TMEM132D: variants seen among roughly 807,000 people sequenced by gnomAD.
TMEM132D encodes the protein transmembrane protein 132D, also known as mature OL transmembrane protein.
A neutral mutation model predicts 62.3 loss-of-function variants in TMEM132D; 21 were observed. The ratio of observed to expected loss-of-function variants is 0.34; its 90% CI spans 0.24 to 0.49. The LOEUF (loss-of-function observed/expected upper bound fraction) is 0.49. Ranked by LOEUF, TMEM132D falls within the 20% of genes least tolerant of loss-of-function variation. The probability of loss-of-function intolerance (pLI) is 0.99; values close to 1 mark genes in which losing one functional copy is unlikely to be tolerated. For missense variants in TMEM132D, 1,346 were observed against 1,402.8 expected, an observed-to-expected ratio of 0.96 and a Z score of 0.65; for synonymous variants, 621 against 575.6, an observed-to-expected ratio of 1.08 and a Z score of -1.13.
intron 1 of TMEM132D, among the ~76,000 whole-genome samples, chr12:129,849,587 G>GA (rs1167271041): frequency 6.6e-6 from 1 of 152,104 alleles, no homozygotes; most frequent in Non-Finnish European, 1.5e-5. Context: ...TCCCACCAAA[G>GA]AAAAGTTTTG....
intron 2 of TMEM132D, among the ~76,000 whole-genome samples, chr12:129,605,920 T>G (rs79330199): frequency 0.15 from 22,832 of 151,960 alleles, 1,851 homozygotes; most frequent in African/African-American, 0.18. Context: ...AGCCGCCCCA[T>G]AGAGCTGCTC....
At chr12:129,413,360 C>G (rs774239606) in intron 3 of TMEM132D, among the ~76,000 whole-genome samples, 3 of 152,184 alleles carry the variant, frequency 2.0e-5, no homozygotes, top group Admixed American at 6.5e-5. Flanking sequence ...GTAAGACATG[C>G]CTTTTGCCTT....
chr12:129,789,109 G>T (rs1871325716), intron 1 of TMEM132D, among the ~76,000 whole-genome samples: 1 of 152,084 alleles, frequency 6.6e-6, no homozygotes, highest in Non-Finnish European at 1.5e-5. Flanking sequence ...AGGTGGTTTT[G>T]GTTACATGGA....
At chr12:129,186,605 G>A (rs1322906179) in intron 5 of TMEM132D, among the ~76,000 whole-genome samples, 1 of 152,142 alleles carries the variant, frequency 6.6e-6, no homozygotes, top group Non-Finnish European at 1.5e-5. Context: ...AGACTGCCTG[G>A]GTTCAAGCTT....
chr12:129,337,995 A>G lies in TMEM132D; in HGVS notation c.1116-178T>C, dbSNP rs540246845. 2.0e-5 allele frequency among the ~76,000 whole-genome samples: 3 copies of G among 152,374 alleles called. No homozygotes were observed. In the South Asian group the frequency reaches 6.2e-4, roughly 32 times the overall value. On this transcript the variant is annotated intron_variant, in intron 3 of 8. Transcript: ENST00000422113. Reference sequence around the variant, plus strand: ...CCAAAACGAACAAAGGAGCTTTAATATGCTCTGCAGCATTAGCCTGGGCTT... The same window carrying G: ...CCAAAACGAACAAAGGAGCTTTAATGTGCTCTGCAGCATTAGCCTGGGCTT...
chr12:129,512,877 G>A (rs1875536485), intron 3 of TMEM132D, among the ~76,000 whole-genome samples: 1 of 152,158 alleles, frequency 6.6e-6, no homozygotes, highest in African/African-American at 2.4e-5. Flanking sequence ...GAAGTCACAT[G>A]CCATCATTCT....
chr12:129,839,348 G>A (rs920840586), intron 1 of TMEM132D, among the ~76,000 whole-genome samples: 3 of 151,300 alleles, frequency 2.0e-5, no homozygotes, highest in Non-Finnish European at 1.5e-5. Flanking sequence ...AGCTGGTCTC[G>A]AACTCCTGAC....
chr12:129,391,766 T>A lies in TMEM132D; in HGVS notation c.1116-53949A>T, dbSNP rs556751636. 3.1e-3 allele frequency among the ~76,000 whole-genome samples: 479 copies of A among 152,362 alleles called. 1 individual carries two copies. Among genetic ancestry groups the A allele is most frequent in the Non-Finnish European group, 5.5e-3 (374 of 68,028 alleles). On this transcript the variant is annotated intron_variant, in intron 3 of 8. Transcript: ENST00000422113. ...GCCCTGGCATCAGTATTTCTTTTTTTATTTTTTTTAGATAGAGTCTCGTTC... is the reference window on the plus strand; with the variant it reads ...GCCCTGGCATCAGTATTTCTTTTTTAATTTTTTTTAGATAGAGTCTCGTTC...
intron 2 of TMEM132D, among the ~76,000 whole-genome samples, chr12:129,617,306 G>T (rs1361759897): frequency 3.9e-5 from 6 of 152,196 alleles, no homozygotes; most frequent in African/African-American, 1.4e-4. Flanking sequence ...CACCTGACTT[G>T]GTTGAGTGAC....
At chr12:129,464,217 G>C (rs1316539271) in intron 3 of TMEM132D, among the ~76,000 whole-genome samples, 1 of 152,066 alleles carries the variant, frequency 6.6e-6, no homozygotes, top group Non-Finnish European at 1.5e-5. Flanking sequence ...GCATTTCTCT[G>C]ATGGCCAGTG....
intron 5 of TMEM132D, among the ~76,000 whole-genome samples, chr12:129,086,201 C>CGCGCGT (rs1349816832): frequency 1.3e-4 from 18 of 141,134 alleles, no homozygotes; most frequent in East Asian, 1.0e-3. Context: ...CACGCGCGCG[C>CGCGCGT]GTGTGTGTGT....
chr12:129,672,482 A>G (rs1880523317), intron 2 of TMEM132D, among the ~76,000 whole-genome samples: 1 of 152,130 alleles, frequency 6.6e-6, no homozygotes, highest in Non-Finnish European at 1.5e-5. Context: ...GTGTGGTACA[A>G]CAGTTAGTGT....
At chr12:129,808,336 A>G (rs1217099720) in intron 1 of TMEM132D, among the ~76,000 whole-genome samples, 3 of 152,210 alleles carry the variant, frequency 2.0e-5, no homozygotes, top group Non-Finnish European at 4.4e-5. Context: ...TAACTCACAT[A>G]TTAAAAGAAA....
intron 4 of TMEM132D, among the ~76,000 whole-genome samples, chr12:129,227,018 T>C (rs931196873): frequency 5.9e-5 from 9 of 152,270 alleles, no homozygotes; most frequent in East Asian, 5.8e-4. Context: ...AGAAGCTAAA[T>C]GACAGCTGTT....
chr12:129,410,833 G>A (rs1424006999), intron 3 of TMEM132D, among the ~76,000 whole-genome samples: 1 of 152,112 alleles, frequency 6.6e-6, no homozygotes, highest in African/African-American at 2.4e-5. Context: ...GGGGTTTGTG[G>A]TAACTTAAGA....
chr12:129,090,977 G>A (rs1331078699), intron 5 of TMEM132D, among the ~76,000 whole-genome samples: 1 of 152,176 alleles, frequency 6.6e-6, no homozygotes, highest in Admixed American at 6.5e-5. Flanking sequence ...CCCAAAAGTG[G>A]AGAAAACAGA....
At chr12:129,361,267 T>C (rs1566045136) in intron 3 of TMEM132D, among the ~76,000 whole-genome samples, 2 of 152,298 alleles carry the variant, frequency 1.3e-5, no homozygotes, top group South Asian at 4.1e-4. Flanking sequence ...GCTCATGGTG[T>C]ATAGATATGA....
At chr12:129,544,062 T>C (rs1440454444) in intron 2 of TMEM132D, among the ~76,000 whole-genome samples, 2 of 152,350 alleles carry the variant, frequency 1.3e-5, no homozygotes, top group South Asian at 2.1e-4. Context: ...ACTTGCGAAA[T>C]TGACATTCAG....
intron 1 of TMEM132D, among the ~76,000 whole-genome samples, chr12:129,845,350 T>C (rs899284826): frequency 1.3e-5 from 2 of 152,180 alleles, no homozygotes; most frequent in African/African-American, 4.8e-5. Context: ...CCTGAATGTC[T>C]TTCTTTGTGC....
Sources: allele counts gnomAD v4.1 joint callset (sites outside exome capture counted in the v4.1 genomes callset), GRCh38; gene constraint gnomAD v4.1.1; transcripts MANE v1.5; gene names NCBI Gene and HGNC (gene_info 2026-07-23, HGNC 2026-07-21).